CHAF1B: variants seen among roughly 807,000 people sequenced by gnomAD.
The protein encoded by CHAF1B is CAF-1 subunit B.
Under a neutral mutation model 60.7 loss-of-function variants are expected in CHAF1B, and 10 were observed. That is an observed-to-expected ratio of 0.16 (90% CI 0.10 to 0.28). CHAF1B has a LOEUF of 0.28. Ranked by LOEUF, CHAF1B falls within the 10% of genes least tolerant of loss-of-function variation. CHAF1B has a pLI of 1.00. For synonymous variants in CHAF1B, 261 were observed against 266.1 expected (o/e 0.98, Z 0.19); for missense variants, 558 against 708.4 (o/e 0.79, Z 2.41).
rs1032405411 is a variant in CHAF1B, at chr21:36,409,682, G to A, written c.919+217G>A. Reference sequence around the variant, plus strand: ...CTGGTTAATTTTTGTATTTTTGGTAGCGACAGCGTTTCACCATGTTGCCAA... The same window carrying A: ...CTGGTTAATTTTTGTATTTTTGGTAACGACAGCGTTTCACCATGTTGCCAA... On this transcript the variant is annotated intron_variant, in intron 10 of 13. Transcript: ENST00000314103. Among the ~76,000 whole-genome samples the A allele has an allele frequency of 5.3e-4, 81 of 151,856 alleles. 1 individual carries two copies. The highest frequency in any genetic ancestry group is 2.0e-4 in the Admixed American group (3 of 15,226).
intron 12 of CHAF1B, 60 bp downstream of exon 12, chr21:36,413,375 G>A (rs2086293964): frequency 6.8e-7 from 1 of 1,461,856 alleles, no homozygotes; most frequent in East Asian, 2.3e-5. Flanking sequence ...CAGACAGAAC[G>A]CTCCCACCCT....
intron 6 of CHAF1B, chr21:36,398,172 C>T (rs2086158410): frequency 6.6e-6 from 1 of 151,656 alleles, no homozygotes; most frequent in Admixed American, 6.6e-5. Flanking sequence ...CATGCTTCAG[C>T]CCCCCAAGTA....
Position 36,413,685 on chromosome 21 carries a change from T to C in CHAF1B, c.1493+370T>C, listed in dbSNP as rs79751129. Among the ~76,000 whole-genome samples, 1,005 of 152,260 alleles carry C rather than the reference T, an allele frequency of 6.6e-3. 16 individuals are homozygous for C. The highest frequency in any genetic ancestry group is 0.022 in the African/African-American group (928 of 41,546). Reference sequence around the variant, plus strand: ...CCCTTTGAGGCCTCTGTCCTTCCCTTCTCTGGGGAAGCCCTGGACACCTCT... The same window carrying C: ...CCCTTTGAGGCCTCTGTCCTTCCCTCCTCTGGGGAAGCCCTGGACACCTCT... On this transcript the variant is annotated intron_variant, in intron 12 of 13. Coordinates refer to ENST00000314103, the MANE Select transcript of CHAF1B (RefSeq NM_005441.3).
chr21:36,410,386 C>T (rs533185141), intron 10 of CHAF1B, among the ~76,000 whole-genome samples: 5 of 152,304 alleles, frequency 3.3e-5, no homozygotes, highest in African/African-American at 9.6e-5. Flanking sequence ...TTATTCCCTT[C>T]TCTTATTCAA....
At chr21:36,416,128 G>A in intron 13 of CHAF1B, 147 bp from the exon 14 acceptor site, 2 of 670,002 alleles carry the variant, frequency 3.0e-6, no homozygotes, top group South Asian at 2.2e-5. Flanking sequence ...CTGGTTGAGA[G>A]CCACTCTATA....
intron 5 of CHAF1B, among the ~76,000 whole-genome samples, chr21:36,395,106 A>C (rs1417224434): frequency 6.6e-6 from 1 of 151,928 alleles, no homozygotes; most frequent in Non-Finnish European, 1.5e-5. Context: ...GTTGGAGTGC[A>C]ATGTCACAAT....
chr21:36,391,907 A>ATGTTTTTT (rs2086092077), intron 4 of CHAF1B, among the ~76,000 whole-genome samples: 1 of 67,052 alleles, frequency 1.5e-5, no homozygotes, highest in Non-Finnish European at 2.5e-5. Flanking sequence ...TGATTTTTAA[A>ATGTTTTTT]TTTTTTTTTT....
At chr21:36,398,429 G>T (rs572744207) in intron 6 of CHAF1B, among the ~76,000 whole-genome samples, 12 of 151,922 alleles carry the variant, frequency 7.9e-5, no homozygotes, top group African/African-American at 2.9e-4. Context: ...GTGCGATCTC[G>T]GCATACTGTA....
At chr21:36,389,588 G>C (rs1406564391) in intron 3 of CHAF1B, among the ~76,000 whole-genome samples, 1 of 145,644 alleles carries the variant, frequency 6.9e-6, no homozygotes, top group African/African-American at 2.5e-5. Flanking sequence ...CTGGGCAACA[G>C]AGTGAGAGTC....
chr21:36,388,023 A>G (rs1241503179), intron 3 of CHAF1B, among the ~76,000 whole-genome samples: 1 of 151,972 alleles, frequency 6.6e-6, no homozygotes, highest in African/African-American at 2.4e-5. Flanking sequence ...GGGTTTCATC[A>G]TGTTGGTCAG....
At chr21:36,415,810 T>C (rs2086314246) in intron 13 of CHAF1B, 1 of 394,270 alleles carries the variant, frequency 2.5e-6, no homozygotes, top group African/African-American at 2.1e-5. Flanking sequence ...TGGAATGCAG[T>C]GGCACGATTT....
rs906311071 is a variant in CHAF1B at position 36,417,261 on chromosome 21, A to C, written c.*895A>C. The C allele has an allele frequency of 1.4e-4, 21 of 151,112 alleles. No homozygotes were observed. Among genetic ancestry groups the C allele is most frequent in the African/African-American group, 4.6e-4 (19 of 41,082 alleles). 9.4% of individuals were successfully genotyped at this position (151,112 alleles called of 1,614,324 possible). ...TAATTTCACACACACATGCACCCAC[A>C]CACACACATATATATGATACATATA... On this transcript the variant is annotated 3_prime_UTR_variant, in exon 14 of 14. Transcript: ENST00000314103.
rs926456979 is a variant in CHAF1B at position 36,416,468 on chromosome 21, A to T, written c.*102A>T. The T allele has an allele frequency of 1.3e-6, 1 of 799,376 alleles. No homozygotes were observed. The highest frequency in any genetic ancestry group is 2.0e-6 in the Non-Finnish European group (1 of 510,332). The allele number at this position is 799,376 out of a possible 1,614,324, so 49.5% of individuals were successfully genotyped here. ...GACCAGGGCTTCCATGGAGCGGGACACACTGTAAATGGATTTCTATAACAG... is the reference window on the plus strand; with the variant it reads ...GACCAGGGCTTCCATGGAGCGGGACTCACTGTAAATGGATTTCTATAACAG... On this transcript the variant is annotated 3_prime_UTR_variant, in exon 14 of 14. Coordinates refer to ENST00000314103, the MANE Select transcript of CHAF1B (RefSeq NM_005441.3).
At chr21:36,405,382 C>G (rs2086230045) in intron 8 of CHAF1B, among the ~76,000 whole-genome samples, 1 of 152,048 alleles carries the variant, frequency 6.6e-6, no homozygotes, top group Admixed American at 6.6e-5. Flanking sequence ...AGAAATATTT[C>G]ATTCAGAGTA....
Position 36,397,503 on chromosome 21 carries a change from C to T in CHAF1B, c.570C>T (p.Ser190=). The change falls in exon 6 of 14, where the codon AGC becomes AGT. Residue 190 remains serine (S), a synonymous_variant. Coordinates refer to ENST00000314103, the MANE Select transcript of CHAF1B (RefSeq NM_005441.3). ...TGGGTCAATATGTTGCTACTCTGAG[C>T]TGTGACAGGTAAATTCAGCTTTGGC... ...DPLGQYVATL[S]CDRVLRVYSI... 1.3e-6 allele frequency: 2 copies of T among 1,512,822 alleles called. No individual in the cohort carries two copies. Among genetic ancestry groups the T allele is most frequent in the Non-Finnish European group, 1.8e-6 (2 of 1,112,706 alleles). The allele number at this position is 1,512,822 out of a possible 1,614,324, so 93.7% of individuals were successfully genotyped here. A position where few individuals can be genotyped will look rare whatever the true frequency, so the allele number is the denominator to read the frequency against.
At chr21:36,409,505 C>T (rs373223403) in intron 10 of CHAF1B, 40 bp downstream of exon 10, 372 of 1,463,746 alleles carry the variant, frequency 2.5e-4, no homozygotes, top group Non-Finnish European at 3.0e-4. Context: ...GTTTTCTCTC[C>T]GAAACAGGTC....
rs1741202595 is a variant in CHAF1B at position 36,413,166 on chromosome 21, C to A, written c.1344C>A (p.Asp448Glu). The A allele has an allele frequency of 6.2e-7, 1 of 1,613,920 alleles. No homozygotes were observed. The highest frequency in any genetic ancestry group is 1.3e-5 in the African/African-American group (1 of 74,890). Residue 448 changes from aspartate (D) to glutamate (E), a missense_variant, in exon 12 of 14, where the codon GAC becomes GAA. Asp to Glu is a conservative substitution (Grantham distance 45). Around this residue, in one of 2 missense-constraint regions of CHAF1B, gnomAD observed 233 missense variants for 214.9 expected, o/e 1.08. Coordinates refer to ENST00000314103, the MANE Select transcript of CHAF1B (RefSeq NM_005441.3). The part of the protein sequence containing the change: ...RQAPAPTVIR[D>E]PPSITPAVKS... ...CCCCAGCCCCAACAGTCATCAGGGA[C>A]CCTCCCTCCATCACTCCTGCTGTCA...
intron 11 of CHAF1B, among the ~76,000 whole-genome samples, chr21:36,412,182 T>C (rs1379279433): frequency 6.6e-6 from 1 of 152,234 alleles, no homozygotes; most frequent in Non-Finnish European, 1.5e-5. Context: ...GGAGGCCTTG[T>C]AGACTCCCTG....
At chr21:36,412,621 C>T (rs1322037279) in intron 11 of CHAF1B, 1 of 401,486 alleles carries the variant, frequency 2.5e-6, no homozygotes, top group Non-Finnish European at 4.5e-6. Context: ...CTTGGCCTCC[C>T]AAAGTGCTGG....
Sources: gnomAD v4.1 joint callset for allele counts (sites outside exome capture counted in the v4.1 genomes callset) on GRCh38, gnomAD v4.1.1 for gene constraint, gnomAD v4.1.1 regional missense constraint, MANE v1.5 for transcripts, NCBI Gene and HGNC (gene_info 2026-07-23, HGNC 2026-07-21) for gene names.